The following RERG variants were observed in gnomAD, a reference collection of about 807,000 sequenced individuals.
RERG encodes the protein ras-related and estrogen-regulated growth inhibitor.
RERG carries 25 observed loss-of-function variants against 23.2 expected under a neutral mutation model. That is an observed-to-expected ratio of 1.08 (90% CI 0.79 to 1.50). The LOEUF is 1.50. Among genes scored for constraint, RERG ranks in the 40% most tolerant of loss-of-function variants. The pLI is 0.00. For synonymous variants in RERG, 81 were observed against 89.1 expected (o/e 0.91, Z 0.51); for missense variants, 253 against 250.1 (o/e 1.01, Z -0.08).
Position 15,109,087 on chromosome 12 carries a change from T to C in RERG, c.*23A>G. 2 of 1,528,388 alleles carry C rather than the reference T, an allele frequency of 1.3e-6. No homozygotes were observed. Among genetic ancestry groups the C allele is most frequent in the Non-Finnish European group, 1.8e-6 (2 of 1,138,352 alleles). The allele number at this position is 1,528,388 out of a possible 1,614,324, so 94.7% of individuals were successfully genotyped here. ...GAAGGGGAAGAGTGTTTCCAATTAGTTGGTCCACCTCAGCTGGGCTGCCTA... is the reference window on the plus strand; with the variant it reads ...GAAGGGGAAGAGTGTTTCCAATTAGCTGGTCCACCTCAGCTGGGCTGCCTA... On this transcript the variant is annotated 3_prime_UTR_variant, in exon 5 of 5. Transcript: ENST00000256953.
chr12:15,166,568 G>T (rs1296066489), intron 2 of RERG, among the ~76,000 whole-genome samples: 1 of 151,720 alleles, frequency 6.6e-6, no homozygotes, highest in Non-Finnish European at 1.5e-5. Flanking sequence ...GGTGTTGGTG[G>T]TGGTGGTGGT....
chr12:15,131,714 A>G lies in RERG; in HGVS notation c.62-10595T>C, dbSNP rs1341913695. 2.6e-5 allele frequency among the ~76,000 whole-genome samples: 4 copies of G among 152,156 alleles called. No individual in the cohort carries two copies. The East Asian group carries it at 5.8e-4, about 22-fold the overall frequency. On this transcript the variant is annotated intron_variant, in intron 2 of 4. Transcript: ENST00000256953. ...CTCCTTATACAGATCCTAGGATCTT[A>G]CAAGTTACTCTCTTCATCATGTCCT...
At chr12:15,172,003 A>G (rs1425688666) in intron 2 of RERG, among the ~76,000 whole-genome samples, 1 of 152,214 alleles carries the variant, frequency 6.6e-6, no homozygotes, top group Admixed American at 6.5e-5. Context: ...CATATCACAA[A>G]ACTCAGCCAT....
intron 4 of RERG, among the ~76,000 whole-genome samples, chr12:15,109,956 T>G (rs182427144): frequency 3.3e-3 from 508 of 152,310 alleles, no homozygotes; most frequent in South Asian, 8.7e-3. Context: ...TTTTGGTTTA[T>G]TTATTATTTT....
At chr12:15,169,313 C>T (rs567228844) in intron 2 of RERG, among the ~76,000 whole-genome samples, 4 of 152,278 alleles carry the variant, frequency 2.6e-5, no homozygotes, top group African/African-American at 9.6e-5. Context: ...GTCTGTGAGG[C>T]TGTTTCCAGA....
At chr12:15,195,551 CTGTGTGTGTGTGTG>C (rs71042238) in intron 2 of RERG, among the ~76,000 whole-genome samples, 1,868 of 128,304 alleles carry the variant, frequency 0.015, 11 homozygotes, top group Middle Eastern at 0.041. Flanking sequence ...GCAAGCTTGG[CTGTGTGTGTGTGTG>C]TGTGTGTGTG....
At chr12:15,204,352 C>A (rs996430163) in intron 2 of RERG, among the ~76,000 whole-genome samples, 9 of 151,730 alleles carry the variant, frequency 5.9e-5, no homozygotes, top group African/African-American at 1.9e-4. Context: ...GTTGAGAAAA[C>A]TGAATATTCA....
At chr12:15,196,517 C>G (rs1186163462) in intron 2 of RERG, among the ~76,000 whole-genome samples, 1 of 152,146 alleles carries the variant, frequency 6.6e-6, no homozygotes, top group East Asian at 1.9e-4. Flanking sequence ...CGTCTAAGCC[C>G]TGGTATGAAG....
rs1047287113 is a variant in RERG, at chr12:15,217,355, A to G, written c.61+74T>C. The G allele has an allele frequency of 5.5e-5, 55 of 999,934 alleles. 2 individuals carry two copies. Among genetic ancestry groups the G allele is most frequent in the South Asian group, 2.6e-4 (20 of 76,634 alleles). 61.9% of individuals were successfully genotyped at this position (999,934 alleles called of 1,614,324 possible). ...GGAATACCAACTACTCACCTGCCCA[A>G]TCCCAAGAAACAGTAATAAAGAAAC... On this transcript the variant is annotated intron_variant, in intron 2 of 4. Transcript: ENST00000256953.
intron 2 of RERG, among the ~76,000 whole-genome samples, chr12:15,206,376 T>C (rs544333867): frequency 6.6e-6 from 1 of 152,078 alleles, no homozygotes; most frequent in Non-Finnish European, 1.5e-5. Context: ...ATAGTGTCAG[T>C]ACACCCAACA....
chr12:15,212,363 A>G (rs1235903301), intron 2 of RERG, among the ~76,000 whole-genome samples: 1 of 151,778 alleles, frequency 6.6e-6, no homozygotes, highest in Non-Finnish European at 1.5e-5. Context: ...CCGGCCACGA[A>G]TAAACTTTTT....
At chr12:15,205,589 C>T (rs1357706456) in intron 2 of RERG, among the ~76,000 whole-genome samples, 1 of 152,060 alleles carries the variant, frequency 6.6e-6, no homozygotes, top group Non-Finnish European at 1.5e-5. Flanking sequence ...AGGAAGCTGG[C>T]TCAGTTGTTA....
chr12:15,166,273 T>C (rs954442757), intron 2 of RERG, among the ~76,000 whole-genome samples: 1 of 152,198 alleles, frequency 6.6e-6, no homozygotes, highest in African/African-American at 2.4e-5. Context: ...TGAAAATAAA[T>C]AGCCAACCTC....
intron 2 of RERG, among the ~76,000 whole-genome samples, chr12:15,126,148 T>C (rs1225984345): frequency 7.1e-6 from 1 of 141,514 alleles, no homozygotes; most frequent in Non-Finnish European, 1.5e-5. Flanking sequence ...TATATATATA[T>C]ATATGTATTT....
At chr12:15,156,987 T>C (rs1362674106) in intron 2 of RERG, among the ~76,000 whole-genome samples, 1 of 152,184 alleles carries the variant, frequency 6.6e-6, no homozygotes, top group Non-Finnish European at 1.5e-5. Flanking sequence ...TGTTAGAGGA[T>C]CCATTGCCCC....
rs565494164 is a variant in RERG at position 15,115,614 on chromosome 12, TAACC to T, written c.119-4201_119-4198del. ...TTTGTACCCAAACTACCCAAATCAT[TAACC>T]AACCAACCAACCAACCAACCAACAC... On this transcript the variant is annotated intron_variant, in intron 3 of 4. Coordinates refer to ENST00000256953, the MANE Select transcript of RERG (RefSeq NM_032918.3). Among the ~76,000 whole-genome samples, 350 of 152,204 alleles carry T rather than the reference TAACC, an allele frequency of 2.3e-3. 1 individual carries two copies. Among genetic ancestry groups the T allele is most frequent in the African/African-American group, 6.7e-3 (279 of 41,536 alleles).
At chr12:15,186,975 A>G (rs1359295766) in intron 2 of RERG, among the ~76,000 whole-genome samples, 4 of 152,188 alleles carry the variant, frequency 2.6e-5, no homozygotes, top group African/African-American at 9.6e-5. Context: ...TTTTCTTCTT[A>G]TTAGAAAAAA....
chr12:15,191,278 C>T (rs1316956178), intron 2 of RERG, among the ~76,000 whole-genome samples: 1 of 152,124 alleles, frequency 6.6e-6, no homozygotes, highest in South Asian at 2.1e-4. Flanking sequence ...TAGAATTGAA[C>T]ATTCTAAACA....
intron 2 of RERG, among the ~76,000 whole-genome samples, chr12:15,189,504 CTT>C (rs1389427243): frequency 3.3e-5 from 5 of 152,136 alleles, no homozygotes; most frequent in African/African-American, 1.2e-4. Flanking sequence ...AATTGCAACT[CTT>C]AATATTATTT....
Sources: allele counts gnomAD v4.1 joint callset (sites outside exome capture counted in the v4.1 genomes callset), GRCh38; gene constraint gnomAD v4.1.1; transcripts MANE v1.5; gene names NCBI Gene and HGNC (gene_info 2026-07-23, HGNC 2026-07-21).